Variants in GTF2I observed in about 807,000 individuals in gnomAD.
GTF2I encodes general transcription factor IIi.
A neutral mutation model predicts 67.6 loss-of-function variants in GTF2I; 12 were observed. The ratio of observed to expected loss-of-function variants is 0.18; its 90% CI spans 0.11 to 0.29. The LOEUF is 0.29. Ranked by LOEUF, GTF2I falls within the 10% of genes least tolerant of loss-of-function variation. GTF2I has a pLI of 1.00. For missense variants in GTF2I, 271 were observed against 580.1 expected (o/e 0.47, Z 5.47); for synonymous variants, 149 against 197.0 (o/e 0.76, Z 2.04).
Position 74,685,067 on chromosome 7 carries a change from T to A in GTF2I, c.-5-4057T>A, listed in dbSNP as rs1403675145. Among the ~76,000 whole-genome samples the A allele has an allele frequency of 2.0e-5, 3 of 152,230 alleles. No homozygotes were observed. In the East Asian group the frequency reaches 5.8e-4, roughly 29 times the overall value. ...TGTACATCCTTTGTAAATACAGTAGTGGCCTGCAAGCAGTCTGATTGGTTG... is the reference window on the plus strand; with the variant it reads ...TGTACATCCTTTGTAAATACAGTAGAGGCCTGCAAGCAGTCTGATTGGTTG... On this transcript the variant is annotated intron_variant, in intron 1 of 34. Coordinates refer to ENST00000573035, the MANE Select transcript of GTF2I (RefSeq NM_032999.4).
At chr7:74,701,058 C>T (rs1789664946) in intron 6 of GTF2I, among the ~76,000 whole-genome samples, 1 of 152,196 alleles carries the variant, frequency 6.6e-6, no homozygotes, top group Non-Finnish European at 1.5e-5. Flanking sequence ...CATTGCATCC[C>T]TACGGCAAGA....
chr7:74,666,939 C>A (rs1211819370), intron 1 of GTF2I, among the ~76,000 whole-genome samples: 1 of 152,052 alleles, frequency 6.6e-6, no homozygotes, highest in Non-Finnish European at 1.5e-5. Context: ...GAGATCGCAC[C>A]ACTGCACTCC....
chr7:74,671,851 G>T (rs747442399), intron 1 of GTF2I, among the ~76,000 whole-genome samples: 1 of 151,768 alleles, frequency 6.6e-6, no homozygotes, highest in South Asian at 2.1e-4. Flanking sequence ...GGGTGTGGTG[G>T]TGCATTCCTG....
intron 1 of GTF2I, among the ~76,000 whole-genome samples, chr7:74,678,885 C>T (rs868968368): frequency 6.6e-6 from 1 of 151,454 alleles, no homozygotes; most frequent in African/African-American, 2.4e-5. Flanking sequence ...AATTCTCCTG[C>T]GTCAGCCTCC....
At chr7:74,673,008 G>A (rs587717098) in intron 1 of GTF2I, among the ~76,000 whole-genome samples, 36 of 151,972 alleles carry the variant, frequency 2.4e-4, no homozygotes, top group Non-Finnish European at 3.1e-4. Context: ...CTACAGGCGC[G>A]TGCCACCACG....
intron 6 of GTF2I, 152 bp downstream of exon 6, chr7:74,700,786 G>C: frequency 8.6e-6 from 7 of 810,252 alleles, no homozygotes; most frequent in Non-Finnish European, 1.4e-5. Flanking sequence ...TCCACAAAAG[G>C]TTCATTGAGC....
intron 3 of GTF2I, among the ~76,000 whole-genome samples, chr7:74,694,828 C>G (rs1788727399): frequency 6.6e-6 from 1 of 152,186 alleles, no homozygotes; most frequent in Non-Finnish European, 1.5e-5. Context: ...AAAGGACAAG[C>G]TGAATTCCTT....
chr7:74,681,440 TA>T (rs1190807278), intron 1 of GTF2I, among the ~76,000 whole-genome samples: 3 of 140,660 alleles, frequency 2.1e-5, no homozygotes, highest in Non-Finnish European at 4.7e-5. Context: ...GTCTCAAAAA[TA>T]AAAAAAAAGA....
chr7:74,734,492 G>A lies in GTF2I; in HGVS notation c.1363+511G>A, dbSNP rs587719131. 7.2e-5 allele frequency among the ~76,000 whole-genome samples: 11 copies of A among 152,046 alleles called. No homozygotes were observed. In the East Asian group the frequency reaches 7.7e-4, roughly 11 times the overall value. ...GCTGGAGTGCAGTGGTGCGATCTCC[G>A]CTCACTGCAACCTCCCGCCTCCTGG... On this transcript the variant is annotated intron_variant, in intron 16 of 34. Transcript: ENST00000573035.
chr7:74,661,111 C>G (rs1272303281), intron 1 of GTF2I, among the ~76,000 whole-genome samples: 1 of 152,196 alleles, frequency 6.6e-6, no homozygotes, highest in Non-Finnish European at 1.5e-5. Context: ...GCACATGAAC[C>G]TGGCCAGTGT....
intron 8 of GTF2I, among the ~76,000 whole-genome samples, chr7:74,710,425 A>G (rs587598517): frequency 6.6e-6 from 1 of 152,126 alleles, no homozygotes; most frequent in East Asian, 1.9e-4. Context: ...TTTTAATAAC[A>G]TCGATTGCTT....
intron 11 of GTF2I, 79 bp from the exon 12 acceptor site, chr7:74,718,800 T>C: frequency 1.4e-6 from 1 of 693,366 alleles, no homozygotes; most frequent in Non-Finnish European, 2.4e-6. Flanking sequence ...GCTTTTGGAG[T>C]ATCAAATCAG....
chr7:74,713,361 T>A (rs974799306), intron 9 of GTF2I, among the ~76,000 whole-genome samples: 2 of 152,224 alleles, frequency 1.3e-5, no homozygotes, highest in East Asian at 3.8e-4. Context: ...TCTATAGATA[T>A]GTACAGTCAT....
In GTF2I at chr7:74,718,959, C is replaced by G. The variant is rs587663176; in HGVS notation, c.943+18C>G. 4 of 1,392,676 alleles carry G rather than the reference C, an allele frequency of 2.9e-6. No homozygotes were observed. In the South Asian group the frequency reaches 5.1e-5, roughly 18 times the overall value. 86.3% of individuals were successfully genotyped at this position (1,392,676 alleles called of 1,614,324 possible). A position where few individuals can be genotyped will look rare whatever the true frequency, so the allele number is the denominator to read the frequency against. On this transcript the variant is annotated intron_variant, in intron 12 of 34. Transcript: ENST00000573035. ...TATTGAAGGTTAGTTATCTAAAAGCCTTGATTCCAAAGTTTACTTCTGGTC... is the reference window on the plus strand; with the variant it reads ...TATTGAAGGTTAGTTATCTAAAAGCGTTGATTCCAAAGTTTACTTCTGGTC...
chr7:74,696,509 T>C lies in GTF2I; in HGVS notation c.239-2452T>C, dbSNP rs1005768840. ...ACTCGGCTAATTTTTTTTTTTTTTT[T>C]CGAGACGGAGTCTCGCTCTGTCGCC... On this transcript the variant is annotated intron_variant, in intron 3 of 34. Coordinates refer to ENST00000573035, the MANE Select transcript of GTF2I (RefSeq NM_032999.4). 1.1e-4 allele frequency among the ~76,000 whole-genome samples: 16 copies of C among 150,592 alleles called. No individual in the cohort carries two copies. The South Asian group carries it at 1.5e-3, about 14-fold the overall frequency.
Position 74,716,342 on chromosome 7 carries a change from G to A in GTF2I, c.824-552G>A, listed in dbSNP as rs587710413. 9.9e-5 allele frequency among the ~76,000 whole-genome samples: 15 copies of A among 152,204 alleles called. No homozygotes were observed. In the South Asian group the frequency reaches 3.1e-3, roughly 32 times the overall value. On this transcript the variant is annotated intron_variant, in intron 10 of 34. Coordinates refer to ENST00000573035, the MANE Select transcript of GTF2I (RefSeq NM_032999.4). Reference sequence around the variant, plus strand: ...ATTACCTGACTTAAAATGCTTTTGAGACTAAAGGTAGTATCTTAAATTTTA... The same window carrying A: ...ATTACCTGACTTAAAATGCTTTTGAAACTAAAGGTAGTATCTTAAATTTTA...
chr7:74,661,350 G>T (rs1297282239), intron 1 of GTF2I, among the ~76,000 whole-genome samples: 1 of 152,188 alleles, frequency 6.6e-6, no homozygotes, highest in Non-Finnish European at 1.5e-5. Context: ...TGAAGGGAGA[G>T]AAATTTATTG....
At chr7:74,724,727 C>T (rs1367886183) in intron 12 of GTF2I, among the ~76,000 whole-genome samples, 36 of 152,094 alleles carry the variant, frequency 2.4e-4, no homozygotes, top group Admixed American at 2.3e-3. Flanking sequence ...TTGAGACCAG[C>T]CTGACCAACA....
intron 12 of GTF2I, among the ~76,000 whole-genome samples, chr7:74,725,696 A>G (rs1793677234): frequency 6.6e-6 from 1 of 152,062 alleles, no homozygotes; most frequent in Non-Finnish European, 1.5e-5. Context: ...TAAAGTAACT[A>G]CATTCATCTC....
Sources: gnomAD v4.1 joint callset for allele counts (sites outside exome capture counted in the v4.1 genomes callset) on GRCh38, gnomAD v4.1.1 for gene constraint, MANE v1.5 for transcripts, NCBI Gene and HGNC (gene_info 2026-07-23, HGNC 2026-07-21) for gene names.